The following GRM4 variants were observed in gnomAD, a reference collection of about 807,000 sequenced individuals.
GRM4 encodes the protein metabotropic glutamate receptor 4.
Under a neutral mutation model 81.7 loss-of-function variants are expected in GRM4, and 28 were observed. The observed-to-expected ratio is 0.34, with a 90% CI of 0.25 to 0.47. The LOEUF (loss-of-function observed/expected upper bound fraction) is 0.47. GRM4 is among the 20% of genes least tolerant of loss of function. The probability of loss-of-function intolerance (pLI) is 1.00; values close to 1 mark genes in which losing one functional copy is unlikely to be tolerated. For missense variants in GRM4, 948 were observed against 1,290.0 expected (o/e 0.73, Z 4.06); for synonymous variants, 488 against 528.8 (o/e 0.92, Z 1.06).
At position 34,022,848 on chromosome 6, in the gene GRM4, G is replaced by C. The variant is rs45558337; in HGVS notation, c.2712C>G (p.Tyr904Ter). ...EAPALATKQTYVTYTNHAI is the reference protein window; with the variant it reads ...EAPALATKQT ...AGATTGCATGGTTGGTGTAAGTGAC[G>C]TAAGTCTGTTTGGTGGCCAGCGCTG... The change falls in exon 11 of 11, where the codon TAC becomes TAG. Residue 904 changes from tyrosine to a stop codon, truncating the protein, a stop_gained. Coordinates refer to ENST00000538487, the MANE Select transcript of GRM4 (RefSeq NM_000841.4). LOFTEE classifies it high-confidence loss of function. This position sits in a 1 kb window ranked among gnomAD's most constrained non-coding sequence, Gnocchi z 5.6. The C allele has an allele frequency of 3.7e-6, 6 of 1,613,840 alleles. No individual in the cohort carries two copies. The Admixed American group carries it at 1.0e-4, about 27-fold the overall frequency.
At chr6:34,094,446 A>C (rs1009446799) in intron 2 of GRM4, among the ~76,000 whole-genome samples, 1 of 152,210 alleles carries the variant, frequency 6.6e-6, no homozygotes, top group Non-Finnish European at 1.5e-5. Context: ...CTTGGCATAA[A>C]AACAGCACCC....
intron 2 of GRM4, chr6:34,103,477 G>A (rs920544535): frequency 4.5e-6 from 4 of 885,614 alleles, no homozygotes; most frequent in South Asian, 3.0e-5. Context: ...AAGAGCGCCC[G>A]AGAGAGCAGG....
chr6:34,097,846 C>T (rs1337962060), intron 2 of GRM4, among the ~76,000 whole-genome samples: 4 of 152,218 alleles, frequency 2.6e-5, no homozygotes, highest in African/African-American at 9.7e-5. Context: ...CAAGTGGGCT[C>T]AAGTCAAGTG....
chr6:34,077,060 T>C (rs1267951587), intron 3 of GRM4, among the ~76,000 whole-genome samples: 6 of 152,082 alleles, frequency 3.9e-5, no homozygotes, highest in Non-Finnish European at 5.9e-5. Flanking sequence ...CAAGTTTTTC[T>C]CAACAGACAT....
chr6:34,118,299 T>C (rs1351938152), intron 2 of GRM4, among the ~76,000 whole-genome samples: 2 of 152,304 alleles, frequency 1.3e-5, no homozygotes, highest in East Asian at 1.9e-4. Flanking sequence ...CCGTGCTTAA[T>C]GGGATAGAGC....
At chr6:34,110,746 G>GT in intron 2 of GRM4, 2 of 1,497,478 alleles carry the variant, frequency 1.3e-6, no homozygotes, top group Non-Finnish European at 1.8e-6. Flanking sequence ...CCTGCAGCCC[G>GT]TGAGTCCCCA....
chr6:34,133,523 C>T lies in GRM4; in HGVS notation c.-27G>A, dbSNP rs373612735. The T allele has an allele frequency of 7.1e-5, 108 of 1,526,220 alleles. No individual in the cohort carries two copies. The highest frequency in any genetic ancestry group is 6.1e-4 in the East Asian group (27 of 44,104). 94.5% of individuals were successfully genotyped at this position (1,526,220 alleles called of 1,614,324 possible). ...TCGGAAATCCCTAGAGACCCATGAA[C>T]GGCAGGCCCACTCCTAGCCCTGGCA... On this transcript the variant is annotated 5_prime_UTR_variant, in exon 2 of 11. Transcript: ENST00000538487. The surrounding 1 kb of genome is among the most constrained non-coding windows in gnomAD (Gnocchi z 6.5).
At position 34,092,778 on chromosome 6, in the gene GRM4, G is replaced by C. The variant is rs1230577894; in HGVS notation, c.520-679C>G. 6.6e-6 allele frequency among the ~76,000 whole-genome samples: 1 copy of C among 151,956 alleles called. No homozygotes were observed. Among genetic ancestry groups the C allele is most frequent in the African/African-American group, 2.4e-5 (1 of 41,396 alleles). ...CAAGGCAGAGCCGACCCGGGGCCCT[G>C]CCCCAGCCCCGGGGCTTTCCAGTCA... is the stretch of plus-strand genomic sequence containing the variant. On this transcript the variant is annotated intron_variant, in intron 2 of 10. Transcript: ENST00000538487. This position sits in a 1 kb window ranked among gnomAD's most constrained non-coding sequence, Gnocchi z 6.8.
At chr6:34,109,600 C>T (rs531192400) in intron 2 of GRM4, among the ~76,000 whole-genome samples, 12 of 152,060 alleles carry the variant, frequency 7.9e-5, no homozygotes, top group Non-Finnish European at 1.8e-4. Context: ...TGCCCAGTCT[C>T]AAAAGCCGAT....
Position 34,040,609 on chromosome 6 carries a change from C to T in GRM4, c.1308G>A (p.Pro436=), listed in dbSNP as rs369359112. The change falls in exon 7 of 11, where the codon CCG becomes CCA. Residue 436 remains proline, a synonymous_variant. Transcript: ENST00000538487. ...DLCPGRVGLC[P]RMDPVDGTQL... is the part of the protein sequence containing the mutation. The stretch of plus-strand genomic sequence containing the variant: ...GGGTGCCATCTACAGGGTCCATGCG[C>T]GGGCAGAGCCCCACGCGGCCGGGAC... 3.5e-5 allele frequency: 56 copies of T among 1,614,060 alleles called. No homozygotes were observed. In the East Asian group the frequency reaches 3.6e-4, roughly 10 times the overall value.
Position 34,068,451 on chromosome 6 carries a change from G to A in GRM4, c.737-6423C>T, listed in dbSNP as rs1766601531. 6.6e-6 allele frequency among the ~76,000 whole-genome samples: 1 copy of A among 152,082 alleles called. No individual in the cohort carries two copies. Among genetic ancestry groups the A allele is most frequent in the Non-Finnish European group, 1.5e-5 (1 of 68,000 alleles). On this transcript the variant is annotated intron_variant, in intron 3 of 10. Transcript: ENST00000538487. This position sits in a 1 kb window ranked among gnomAD's most constrained non-coding sequence, Gnocchi z 4.2. ...TAGGTTTACAGGAGGTCTGACCGTG[G>A]CAGGACCCTCTGAGCCCCCACTGTG...
chr6:34,155,278 T>G (rs749605624), exon 1 of GRM4: 14 of 1,533,600 alleles, frequency 9.1e-6, no homozygotes, highest in Non-Finnish European at 1.2e-5. Context: ...GAGGTTTCCT[T>G]GGTGGGAGGA....
chr6:34,043,716 C>T lies in GRM4; in HGVS notation c.1169-2968G>A, dbSNP rs549391008. ...CATCCACTCCTGGGCCACTTGGGCT[C>T]GGGGCCAAGTGCTCTCTCTGGGGTC... On this transcript the variant is annotated intron_variant, in intron 6 of 10. Transcript: ENST00000538487. Among the ~76,000 whole-genome samples the T allele has an allele frequency of 9.9e-5, 15 of 152,242 alleles. No individual in the cohort carries two copies. The South Asian group carries it at 2.9e-3, about 29-fold the overall frequency.
intron 3 of GRM4, among the ~76,000 whole-genome samples, chr6:34,085,670 T>C (rs1219898338): frequency 1.3e-5 from 2 of 152,202 alleles, no homozygotes; most frequent in Non-Finnish European, 2.9e-5. Flanking sequence ...GAGCAACTAC[T>C]ATGTGCCAGG....
intron 3 of GRM4, among the ~76,000 whole-genome samples, chr6:34,084,941 T>A (rs1313334157): frequency 6.6e-6 from 1 of 152,184 alleles, no homozygotes; most frequent in Admixed American, 6.5e-5. Context: ...TCCCTTTTTT[T>A]ACTTATTCAG....
At chr6:34,117,899 C>A (rs1769659693) in intron 2 of GRM4, among the ~76,000 whole-genome samples, 1 of 152,214 alleles carries the variant, frequency 6.6e-6, no homozygotes, top group Non-Finnish European at 1.5e-5. Context: ...CACATCCAAC[C>A]AGCCACCAGC....
rs114816229 is a variant in GRM4, at chr6:34,103,980, C to T, written c.520-11881G>A. 1,397 of 522,994 alleles carry T rather than the reference C, an allele frequency of 2.7e-3. 3 individuals are homozygous for T. Among genetic ancestry groups the T allele is most frequent in the African/African-American group, 9.0e-3 (446 of 49,802 alleles). 32.4% of individuals were successfully genotyped at this position (522,994 alleles called of 1,614,324 possible). A position where few individuals can be genotyped will look rare whatever the true frequency, so the allele number is the denominator to read the frequency against. On this transcript the variant is annotated intron_variant, in intron 2 of 10. Coordinates refer to ENST00000538487, the MANE Select transcript of GRM4 (RefSeq NM_000841.4). ...GGTGCGACAGGGGCTCATGCACAGC[C>T]TCCCTTGGTAACCCTCACCACGGCC...
At chr6:34,149,310 T>C (rs1771001434), upstream of GRM4, among the ~76,000 whole-genome samples, 1 of 152,344 alleles carries the variant, frequency 6.6e-6, no homozygotes, top group Admixed American at 6.5e-5. Context: ...AGCCATCACC[T>C]CAGCCTCTGT....
chr6:34,096,931 T>C (rs371351252), intron 2 of GRM4, among the ~76,000 whole-genome samples: 13 of 132,394 alleles, frequency 9.8e-5, no homozygotes, highest in African/African-American at 2.9e-4. Flanking sequence ...TGTGTGTGTG[T>C]GTCTGTGTGA....
Sources: gnomAD v4.1 joint callset for allele counts (sites outside exome capture counted in the v4.1 genomes callset) on GRCh38, gnomAD v4.1.1 for gene constraint, Gnocchi (gnomAD v3.1) non-coding constraint, MANE v1.5 for transcripts, NCBI Gene and HGNC (gene_info 2026-07-23, HGNC 2026-07-21) for gene names.